Variants in SMOX observed in about 807,000 individuals in gnomAD.
SMOX encodes the protein spermine oxidase.
Under a neutral mutation model 51.0 loss-of-function variants are expected in SMOX, and 22 were observed. That is an observed-to-expected ratio of 0.43 (90% CI 0.31 to 0.62). The LOEUF (loss-of-function observed/expected upper bound fraction) is 0.62. SMOX is among the 20% of genes least tolerant of loss of function. The pLI is 0.10. For synonymous variants in SMOX, 282 were observed against 307.8 expected, an observed-to-expected ratio of 0.92 and a Z score of 0.88; for missense variants, 566 against 777.7, an observed-to-expected ratio of 0.73 and a Z score of 3.24.
intron 1 of SMOX, among the ~76,000 whole-genome samples, chr20:4,168,927 T>G (rs183761816): frequency 1.5e-4 from 21 of 139,590 alleles, no homozygotes; most frequent in African/African-American, 4.9e-4. Flanking sequence ...TTTATTTTAT[T>G]TTATTTTATT....
chr20:4,169,078 G>A (rs1480485690), intron 1 of SMOX, among the ~76,000 whole-genome samples: 1 of 152,038 alleles, frequency 6.6e-6, no homozygotes, highest in Non-Finnish European at 1.5e-5. Context: ...CTCCAGTGTA[G>A]CTGGGGCTAC....
chr20:4,179,570 G>A (rs1358783031), intron 3 of SMOX, among the ~76,000 whole-genome samples: 1 of 152,176 alleles, frequency 6.6e-6, no homozygotes, highest in African/African-American at 2.4e-5. Flanking sequence ...AGATGATGAC[G>A]TTGAAGAGCC....
At chr20:4,178,365 T>C (rs936028145) in intron 3 of SMOX, among the ~76,000 whole-genome samples, 4 of 152,226 alleles carry the variant, frequency 2.6e-5, no homozygotes, top group African/African-American at 9.6e-5. Context: ...TTGCTACAGG[T>C]GTCTAGTAGC....
chr20:4,154,839 G>A (rs1226431727), intron 1 of SMOX, among the ~76,000 whole-genome samples: 4 of 149,882 alleles, frequency 2.7e-5, no homozygotes, highest in Non-Finnish European at 5.9e-5. Context: ...TGTGTAGGGA[G>A]CTGCCGGGGT....
intron 1 of SMOX, among the ~76,000 whole-genome samples, chr20:4,152,343 C>T (rs751466997): frequency 5.3e-5 from 8 of 151,916 alleles, no homozygotes; most frequent in Non-Finnish European, 1.0e-4. Flanking sequence ...GGTACCCAGC[C>T]CTGGGGTGGT....
chr20:4,170,684 A>G lies in SMOX; in HGVS notation c.-26-4346A>G, dbSNP rs968764779. Among the ~76,000 whole-genome samples the G allele has an allele frequency of 8.6e-5, 13 of 151,982 alleles. No homozygotes were observed. Among genetic ancestry groups the G allele is most frequent in the African/African-American group, 2.9e-4 (12 of 41,366 alleles). ...CACCTGACCTCTGAGTCTTTATTCT[A>G]TTCATCCGTCTTTGGCAACCCTGCC... is the stretch of plus-strand genomic sequence containing the variant. On this transcript the variant is annotated intron_variant, in intron 1 of 6. Transcript: ENST00000305958. The surrounding 1 kb of genome is among the most constrained non-coding windows in gnomAD (Gnocchi z 4.6).
chr20:4,182,857 C>T lies in SMOX; in HGVS notation c.1369+9C>T, dbSNP rs369287384. The T allele has an allele frequency of 7.1e-5, 113 of 1,596,126 alleles. No homozygotes were observed. Among genetic ancestry groups the T allele is most frequent in the African/African-American group, 2.5e-4 (19 of 74,852 alleles). On this transcript the variant is annotated intron_variant, in intron 5 of 6. Transcript: ENST00000305958. This position sits in a 1 kb window ranked among gnomAD's most constrained non-coding sequence, Gnocchi z 8.4. ...GCTGCGTCAGTTCACAGGTGCGCCA[C>T]GTGCCCCACGACCCGCTTCCCCCAC...
rs2122514424 is a variant in SMOX at position 4,172,297 on chromosome 20, T to G, written c.-26-2733T>G. 6.6e-6 allele frequency among the ~76,000 whole-genome samples: 1 copy of G among 152,230 alleles called. No homozygotes were observed. Among genetic ancestry groups the G allele is most frequent in the African/African-American group, 2.4e-5 (1 of 41,534 alleles). Reference sequence around the variant, plus strand: ...TCCCCGTCGCAGCTGGCGCGGCCCCTCCGGAGCACGCCGCGTGTTTACCGA... The same window carrying G: ...TCCCCGTCGCAGCTGGCGCGGCCCCGCCGGAGCACGCCGCGTGTTTACCGA... On this transcript the variant is annotated intron_variant, in intron 1 of 6. Transcript: ENST00000305958. This position sits in a 1 kb window ranked among gnomAD's most constrained non-coding sequence, Gnocchi z 7.7.
Position 4,172,605 on chromosome 20 carries a change from CTCA to C in SMOX, c.-26-2422_-26-2420del, listed in dbSNP as rs1329450960. On this transcript the variant is annotated intron_variant, in intron 1 of 6. Coordinates refer to ENST00000305958, the MANE Select transcript of SMOX (RefSeq NM_175839.3). This position sits in a 1 kb window ranked among gnomAD's most constrained non-coding sequence, Gnocchi z 7.7. The stretch of plus-strand genomic sequence containing the variant: ...GGAGCCGCCCTGCTCCCGGCGTGGC[CTCA>C]TCCCCAGCGAAAGCGCGACACCCGC... Among the ~76,000 whole-genome samples the C allele has an allele frequency of 1.3e-5, 2 of 152,024 alleles. No homozygotes were observed. Among genetic ancestry groups the C allele is most frequent in the Non-Finnish European group, 2.9e-5 (2 of 67,988 alleles).
intron 6 of SMOX, among the ~76,000 whole-genome samples, chr20:4,184,297 A>G (rs1397859698): frequency 1.3e-5 from 2 of 152,022 alleles, no homozygotes; most frequent in South Asian, 4.2e-4. Flanking sequence ...CACTTGGCCA[A>G]TACAGTAAAG....
At chr20:4,184,415 C>G (rs1979584597) in intron 6 of SMOX, among the ~76,000 whole-genome samples, 1 of 151,688 alleles carries the variant, frequency 6.6e-6, no homozygotes, top group South Asian at 2.1e-4. Context: ...TTGGACAGCA[C>G]TGATTCAATG....
Position 4,183,471 on chromosome 20 carries a change from T to C in SMOX, c.1370-23T>C. The C allele has an allele frequency of 6.2e-7, 1 of 1,614,100 alleles. No homozygotes were observed. The highest frequency in any genetic ancestry group is 1.1e-5 in the South Asian group (1 of 91,078). ...AGCCATTTCTTATCCTCCCTCCTCT[T>C]GGCTTTTCTGACTCTCCATCAGGGA... On this transcript the variant is annotated intron_variant, in intron 5 of 6. Coordinates refer to ENST00000305958, the MANE Select transcript of SMOX (RefSeq NM_175839.3). This position sits in a 1 kb window ranked among gnomAD's most constrained non-coding sequence, Gnocchi z 4.3.
chr20:4,177,537 C>G lies in SMOX; in HGVS notation c.395C>G (p.Pro132Arg), dbSNP rs747846684. Reference protein sequence around the residue: ...CYLTNHGRRIPKDVVEEFSDL... With the variant: ...CYLTNHGRRIRKDVVEEFSDL... ...CTTACCAACCACGGCCGCAGGATCC[C>G]CAAGGACGTGGTTGAGGAATTCAGC... Residue 132 changes from proline to arginine, a missense_variant, in exon 3 of 7, where the codon CCC becomes CGC. By Grantham distance (103) the Pro-to-Arg change is moderately radical. Around this residue, in one of 3 missense-constraint regions of SMOX, gnomAD observed 217 missense variants for 278.4 expected, o/e 0.78. Coordinates refer to ENST00000305958, the MANE Select transcript of SMOX (RefSeq NM_175839.3). This position sits in a 1 kb window ranked among gnomAD's most constrained non-coding sequence, Gnocchi z 4.3. The G allele has an allele frequency of 1.0e-5, 16 of 1,596,388 alleles. No homozygotes were observed. Among genetic ancestry groups the G allele is most frequent in the Non-Finnish European group, 1.4e-5 (16 of 1,170,668 alleles).
intron 6 of SMOX, among the ~76,000 whole-genome samples, chr20:4,184,734 G>A (rs971863709): frequency 7.9e-5 from 12 of 152,182 alleles, no homozygotes; most frequent in African/African-American, 2.9e-4. Flanking sequence ...TCCTCAGAAA[G>A]GCCCTTTCTG....
chr20:4,183,330 G>A lies in SMOX; in HGVS notation c.1370-164G>A. On this transcript the variant is annotated intron_variant, in intron 5 of 6. Transcript: ENST00000305958. The surrounding 1 kb of genome is among the most constrained non-coding windows in gnomAD (Gnocchi z 4.3). ...GGCGCTGAGTGGGTACACAGCTCGA[G>A]CCCCAGCCTCCCTCCTTCCTCTTCT... 1 of 1,004,938 alleles carries A rather than the reference G, an allele frequency of 1.0e-6. No homozygotes were observed. The highest frequency in any genetic ancestry group is 2.4e-5 in the East Asian group (1 of 40,838). The allele number at this position is 1,004,938 out of a possible 1,614,324, so 62.3% of individuals were successfully genotyped here.
At chr20:4,168,755 C>G (rs1417090986) in intron 1 of SMOX, among the ~76,000 whole-genome samples, 1 of 151,850 alleles carries the variant, frequency 6.6e-6, no homozygotes, top group Non-Finnish European at 1.5e-5. Context: ...CAGGGTTTCA[C>G]CATGTTGGCC....
Position 4,150,466 on chromosome 20 carries a change from C to T in SMOX, c.-27+1489C>T, listed in dbSNP as rs375149406. 5.4e-4 allele frequency among the ~76,000 whole-genome samples: 82 copies of T among 152,302 alleles called. 1 individual carries two copies. In the South Asian group the frequency reaches 0.016, roughly 30 times the overall value. The stretch of plus-strand genomic sequence containing the variant: ...CTGGTTTTCTTCCCTCCTTGGCTGC[C>T]CTTTTTCTTAGACTTCTTTTCAGAC... On this transcript the variant is annotated intron_variant, in intron 1 of 6. Coordinates refer to ENST00000305958, the MANE Select transcript of SMOX (RefSeq NM_175839.3).
Position 4,166,765 on chromosome 20 carries a change from T to C in SMOX, c.-26-8265T>C, listed in dbSNP as rs1986588871. Reference sequence around the variant, plus strand: ...CCAGTGCCTGTGGGGGCCGTGTCTTTGGCTCTGTCCCTCCATGCACTGAAT... The same window carrying C: ...CCAGTGCCTGTGGGGGCCGTGTCTTCGGCTCTGTCCCTCCATGCACTGAAT... On this transcript the variant is annotated intron_variant, in intron 1 of 6. Transcript: ENST00000305958. This position sits in a 1 kb window ranked among gnomAD's most constrained non-coding sequence, Gnocchi z 4.2. Among the ~76,000 whole-genome samples, 1 of 152,240 alleles carries C rather than the reference T, an allele frequency of 6.6e-6. No homozygotes were observed. The highest frequency in any genetic ancestry group is 2.4e-5 in the African/African-American group (1 of 41,472).
rs1321387592 is a variant in SMOX at position 4,170,160 on chromosome 20, T to A, written c.-26-4870T>A. ...TGAGGCTCACATAGAGGAGGCGGGGTGGGGGGGTGCTTCTGGCGCAGTTGG... is the reference window on the plus strand; with the variant it reads ...TGAGGCTCACATAGAGGAGGCGGGGAGGGGGGGTGCTTCTGGCGCAGTTGG... On this transcript the variant is annotated intron_variant, in intron 1 of 6. Coordinates refer to ENST00000305958, the MANE Select transcript of SMOX (RefSeq NM_175839.3). This position sits in a 1 kb window ranked among gnomAD's most constrained non-coding sequence, Gnocchi z 4.6. Among the ~76,000 whole-genome samples, 1 of 36,730 alleles carries A rather than the reference T, an allele frequency of 2.7e-5. No homozygotes were observed. Among genetic ancestry groups the A allele is most frequent in the African/African-American group, 1.0e-4 (1 of 9,668 alleles). 24.1% of individuals were successfully genotyped at this position (36,730 alleles called of 152,430 possible).
Sources: allele counts gnomAD v4.1 joint callset (sites outside exome capture counted in the v4.1 genomes callset), GRCh38; gene constraint gnomAD v4.1.1; regional missense constraint gnomAD v4.1.1; non-coding constraint Gnocchi (gnomAD v3.1); transcripts MANE v1.5; gene names NCBI Gene and HGNC (gene_info 2026-07-23, HGNC 2026-07-21).